The following EML5 variants were observed in gnomAD, a reference collection of about 807,000 sequenced individuals.
EML5 encodes EMAP like 5.
Under a neutral mutation model 250.0 loss-of-function variants are expected in EML5, and 120 were observed. The ratio of observed to expected loss-of-function variants is 0.48; its 90% CI spans 0.41 to 0.56. The LOEUF (loss-of-function observed/expected upper bound fraction) is 0.56. Ranked by LOEUF, EML5 falls within the 20% of genes least tolerant of loss-of-function variation. EML5 has a pLI of 0.00. For missense variants in EML5, 2,006 were observed against 2,437.6 expected, an observed-to-expected ratio of 0.82 and a Z score of 3.73; for synonymous variants, 771 against 806.5, an observed-to-expected ratio of 0.96 and a Z score of 0.75.
chr14:88,659,472 A>G (rs945136448), intron 25 of EML5, among the ~76,000 whole-genome samples: 5 of 152,192 alleles, frequency 3.3e-5, no homozygotes, highest in African/African-American at 1.2e-4. Context: ...TCGGCCTCCC[A>G]AAGTGCTGGG....
rs763367641 is a variant in EML5 at position 88,702,609 on chromosome 14, C to A, written c.2075G>T (p.Ser692Ile). ...ACCAATTTGAGTATAAAACAGATTA[C>A]TTCGACAGTCATAACCTCTGTAACT... ...VHGYRGYDCR[S>I]NLFYTQIGEI... is the part of the protein sequence containing the mutation. The change falls in exon 14 of 44, where the codon AGT (serine) becomes ATT (isoleucine). Residue 692 changes from serine (S) to isoleucine (I), a missense_variant. Physicochemically the swap from Ser to Ile is moderately radical, Grantham distance 142 (BLOSUM62 -2). Coordinates refer to ENST00000554922, the MANE Select transcript of EML5 (RefSeq NM_183387.3). 4 of 1,596,234 alleles carry A rather than the reference C, an allele frequency of 2.5e-6. No individual in the cohort carries two copies. In the African/African-American group the frequency reaches 5.4e-5, roughly 21 times the overall value.
At chr14:88,681,618 G>C (rs185558267) in intron 21 of EML5, among the ~76,000 whole-genome samples, 1 of 152,158 alleles carries the variant, frequency 6.6e-6, no homozygotes, top group Non-Finnish European at 1.5e-5. Context: ...ACAAAGGAGA[G>C]AAAAACTTAG....
At chr14:88,708,870 A>C (rs924513094) in intron 10 of EML5, among the ~76,000 whole-genome samples, 1 of 152,166 alleles carries the variant, frequency 6.6e-6, no homozygotes, top group Non-Finnish European at 1.5e-5. Flanking sequence ...TAAACAGTGT[A>C]TCATCAATTA....
intron 37 of EML5, chr14:88,622,403 G>T: frequency 2.3e-6 from 1 of 427,106 alleles, no homozygotes; most frequent in Middle Eastern, 5.4e-4. Context: ...ACAGTATTTA[G>T]ACAGAATAGC....
intron 25 of EML5, 30 bp from the exon 26 acceptor site, chr14:88,658,418 T>C: frequency 6.7e-7 from 1 of 1,498,980 alleles, no homozygotes; most frequent in Non-Finnish European, 9.1e-7. Flanking sequence ...AAACAATCTT[T>C]CTGAGAAATT....
At chr14:88,721,801 A>G (rs931660092) in intron 8 of EML5, among the ~76,000 whole-genome samples, 6 of 152,214 alleles carry the variant, frequency 3.9e-5, no homozygotes, top group East Asian at 1.9e-4. Context: ...TCGGCACAAT[A>G]AAAGAAACTA....
intron 1 of EML5, among the ~76,000 whole-genome samples, chr14:88,780,699 C>T (rs1185617252): frequency 3.3e-5 from 5 of 152,162 alleles, no homozygotes; most frequent in Non-Finnish European, 5.9e-5. Flanking sequence ...CCTCAGACTC[C>T]CAAGTACCTG....
At chr14:88,629,459 TCAGTAA>T (rs1764772934) in intron 33 of EML5, among the ~76,000 whole-genome samples, 1 of 152,184 alleles carries the variant, frequency 6.6e-6, no homozygotes, top group Non-Finnish European at 1.5e-5. Flanking sequence ...TAAACTTACA[TCAGTAA>T]CAGTATTTAA....
intron 1 of EML5, among the ~76,000 whole-genome samples, chr14:88,770,040 C>T (rs2094372143): frequency 6.7e-6 from 1 of 149,910 alleles, no homozygotes; most frequent in African/African-American, 2.5e-5. Flanking sequence ...CATTTAGGTT[C>T]ATTGTTCGCA....
intron 21 of EML5, among the ~76,000 whole-genome samples, chr14:88,679,653 C>T (rs2092675901): frequency 6.6e-6 from 1 of 152,076 alleles, no homozygotes; most frequent in African/African-American, 2.4e-5. Flanking sequence ...GATCATGCCA[C>T]TGCACTCCAG....
intron 4 of EML5, among the ~76,000 whole-genome samples, chr14:88,741,239 G>T (rs2093921120): frequency 6.6e-6 from 1 of 151,996 alleles, no homozygotes; most frequent in Admixed American, 6.6e-5. Context: ...CATAGACTAA[G>T]AAGAAGAAAA....
At chr14:88,750,706 A>C (rs2094080401) in intron 2 of EML5, among the ~76,000 whole-genome samples, 1 of 152,228 alleles carries the variant, frequency 6.6e-6, no homozygotes, top group East Asian at 1.9e-4. Flanking sequence ...TTATATAAAA[A>C]GATACAGAAT....
intron 28 of EML5, among the ~76,000 whole-genome samples, chr14:88,647,246 C>T (rs966852235): frequency 2.6e-5 from 4 of 151,996 alleles, no homozygotes; most frequent in African/African-American, 9.7e-5. Context: ...CACCTGTAAT[C>T]CCATCTACTC....
At chr14:88,635,452 G>T (rs188288634) in intron 32 of EML5, among the ~76,000 whole-genome samples, 3 of 152,192 alleles carry the variant, frequency 2.0e-5, no homozygotes, top group African/African-American at 7.2e-5. Flanking sequence ...GGTCTGGAGA[G>T]ACTAGGTTTG....
At chr14:88,621,078 T>C (rs2088829483) in intron 38 of EML5, 35 bp downstream of exon 38, 1 of 1,588,642 alleles carries the variant, frequency 6.3e-7, no homozygotes, top group Non-Finnish European at 8.6e-7. Flanking sequence ...TTTTTAGAAG[T>C]TGTAACCTCT....
intron 21 of EML5, among the ~76,000 whole-genome samples, chr14:88,674,736 C>A (rs1018235984): frequency 2.0e-5 from 3 of 152,190 alleles, no homozygotes; most frequent in African/African-American, 7.2e-5. Context: ...AGTCCACAGT[C>A]TAACATCTCA....
intron 1 of EML5, among the ~76,000 whole-genome samples, chr14:88,790,744 T>C (rs999418807): frequency 1.3e-5 from 2 of 152,104 alleles, no homozygotes; most frequent in Non-Finnish European, 2.9e-5. Flanking sequence ...ACCTAGCATA[T>C]GGAAAAGAAG....
In EML5 at chr14:88,792,001, T is replaced by A. The variant is rs1050182064; in HGVS notation, c.197+306A>T. Among the ~76,000 whole-genome samples the A allele has an allele frequency of 1.3e-5, 2 of 152,134 alleles. No homozygotes were observed. The highest frequency in any genetic ancestry group is 4.8e-5 in the African/African-American group (2 of 41,424). On this transcript the variant is annotated intron_variant, in intron 1 of 43. Transcript: ENST00000554922. This position sits in a 1 kb window ranked among gnomAD's most constrained non-coding sequence, Gnocchi z 6.9. ...CTAACGGAATAAAGTGCCACCAAAA[T>A]AACCTTTTCGCAGTTTTCGTAATTG...
At chr14:88,671,181 G>T (rs1346100307) in intron 21 of EML5, among the ~76,000 whole-genome samples, 2 of 152,174 alleles carry the variant, frequency 1.3e-5, no homozygotes, top group African/African-American at 4.8e-5. Flanking sequence ...CACCTACAAA[G>T]GGGAGCCCAT....
Sources: allele counts gnomAD v4.1 joint callset (sites outside exome capture counted in the v4.1 genomes callset), GRCh38; gene constraint gnomAD v4.1.1; non-coding constraint Gnocchi (gnomAD v3.1); transcripts MANE v1.5; gene names NCBI Gene and HGNC (gene_info 2026-07-23, HGNC 2026-07-21).